The following NFE2L3 variants were observed in gnomAD, a reference collection of about 807,000 sequenced individuals.
NFE2L3 encodes the protein nuclear factor erythroid 2-related factor 3.
NFE2L3 carries 18 observed loss-of-function variants against 23.5 expected under a neutral mutation model. The ratio of observed to expected loss-of-function variants is 0.77; its 90% CI spans 0.53 to 1.13. The LOEUF is 1.13. Among genes scored for constraint, NFE2L3 ranks in the 50% most tolerant of loss-of-function variants. The pLI is 0.00. For missense variants in NFE2L3, 1,152 were observed against 877.2 expected (o/e 1.31, Z -3.96); for synonymous variants, 424 against 354.5 (o/e 1.20, Z -2.20).
At chr7:26,160,430 T>C (rs1784150282) in intron 1 of NFE2L3, among the ~76,000 whole-genome samples, 2 of 152,206 alleles carry the variant, frequency 1.3e-5, no homozygotes, top group South Asian at 4.1e-4. Flanking sequence ...CCTGTCTTTA[T>C]CTGTCAGAGT....
intron 1 of NFE2L3, among the ~76,000 whole-genome samples, chr7:26,166,279 C>G (rs1784250881): frequency 6.6e-6 from 1 of 152,100 alleles, no homozygotes; most frequent in Admixed American, 6.6e-5. Flanking sequence ...ATTGCTGGAG[C>G]CCAAGATGAG....
chr7:26,180,723 G>T (rs960896399), intron 2 of NFE2L3, among the ~76,000 whole-genome samples: 1 of 151,990 alleles, frequency 6.6e-6, no homozygotes, highest in African/African-American at 2.4e-5. Context: ...TCACTGCTAG[G>T]CACAGACTAG....
chr7:26,166,589 T>A lies in NFE2L3; in HGVS notation c.571-11354T>A, dbSNP rs531366502. Among the ~76,000 whole-genome samples, 3 of 152,312 alleles carry A rather than the reference T, an allele frequency of 2.0e-5. No homozygotes were observed. The South Asian group carries it at 6.2e-4, about 32-fold the overall frequency. The stretch of plus-strand genomic sequence containing the variant: ...TCAGTTTCCTCCTCTGTAATAACAA[T>A]ACCTACCTTACAGGGATGCCGAGCA... On this transcript the variant is annotated intron_variant, in intron 1 of 3. Coordinates refer to ENST00000056233, the MANE Select transcript of NFE2L3 (RefSeq NM_004289.7).
intron 1 of NFE2L3, among the ~76,000 whole-genome samples, chr7:26,160,258 G>T (rs1784147049): frequency 6.6e-6 from 1 of 152,128 alleles, no homozygotes; most frequent in South Asian, 2.1e-4. Context: ...CACCCGGCTG[G>T]ATCTATGTTA....
intron 1 of NFE2L3, chr7:26,173,515 T>C (rs1784356137): frequency 6.6e-6 from 1 of 152,364 alleles, no homozygotes; most frequent in Non-Finnish European, 1.5e-5. Flanking sequence ...AGCAAGTTTT[T>C]AAACAAAGTT....
At chr7:26,180,103 C>G (rs1226989642) in intron 2 of NFE2L3, among the ~76,000 whole-genome samples, 1 of 152,184 alleles carries the variant, frequency 6.6e-6, no homozygotes, top group Non-Finnish European at 1.5e-5. Flanking sequence ...TTTCCAGTTC[C>G]CTAACTATGG....
At chr7:26,176,293 G>A (rs1460479685) in intron 1 of NFE2L3, among the ~76,000 whole-genome samples, 4 of 152,036 alleles carry the variant, frequency 2.6e-5, no homozygotes, top group South Asian at 2.1e-4. Flanking sequence ...CTGATCTCTC[G>A]TTCTTTTCCC....
intron 2 of NFE2L3, among the ~76,000 whole-genome samples, chr7:26,181,673 C>T (rs1239263810): frequency 6.6e-6 from 1 of 152,084 alleles, no homozygotes; most frequent in Non-Finnish European, 1.5e-5. Flanking sequence ...AGCCATGAGT[C>T]AGCATATGCA....
chr7:26,184,035 AGG>A, intron 3 of NFE2L3: 1 of 498,748 alleles, frequency 2.0e-6, no homozygotes, highest in Middle Eastern at 4.0e-4. Context: ...AAGAATTATC[AGG>A]TATTTATCCA....
At position 26,186,975 on chromosome 7, in the gene NFE2L3, A is replaced by C. The variant is rs1403725104; in HGVS notation, c.*1192A>C. On this transcript the variant is annotated 3_prime_UTR_variant, in exon 4 of 4. Coordinates refer to ENST00000056233, the MANE Select transcript of NFE2L3 (RefSeq NM_004289.7). ...GATTTTGACGGGTACTATAATGCTT[A>C]ATATGTCCAAATTTTCAAAATGAAG... 6.6e-6 allele frequency: 1 copy of C among 152,230 alleles called. No homozygotes were observed. The highest frequency in any genetic ancestry group is 1.5e-5 in the Non-Finnish European group (1 of 68,044). The allele number at this position is 152,230 out of a possible 1,614,324, so 9.4% of individuals were successfully genotyped here. A position where few individuals can be genotyped will look rare whatever the true frequency, so the allele number is the denominator to read the frequency against.
intron 3 of NFE2L3, 181 bp downstream of exon 3, chr7:26,183,965 AGG>A (rs1782402488): frequency 1.8e-6 from 1 of 542,548 alleles, no homozygotes; most frequent in Non-Finnish European, 3.3e-6. Context: ...ATAATCCCAA[AGG>A]TATAATCAAA....
intron 2 of NFE2L3, among the ~76,000 whole-genome samples, chr7:26,182,709 GAGGCTAA>G (rs1782345406): frequency 6.6e-6 from 1 of 151,868 alleles, no homozygotes. Flanking sequence ...CAACTAGAAA[GAGGCTAA>G]AGCATAAAGG....
At chr7:26,163,067 T>C (rs1277084287) in intron 1 of NFE2L3, among the ~76,000 whole-genome samples, 1 of 152,094 alleles carries the variant, frequency 6.6e-6, no homozygotes, top group African/African-American at 2.4e-5. Flanking sequence ...AATGCCCCCC[T>C]CCCCATCATG....
Position 26,152,405 on chromosome 7 carries a change from C to T in NFE2L3, c.-94C>T, listed in dbSNP as rs1252987766. On this transcript the variant is annotated 5_prime_UTR_variant, in exon 1 of 4. Coordinates refer to ENST00000056233, the MANE Select transcript of NFE2L3 (RefSeq NM_004289.7). This position sits in a 1 kb window ranked among gnomAD's most constrained non-coding sequence, Gnocchi z 4.4. ...CGCTTATCTGGGTTCCAGGCAGGTG[C>T]GGGCGGCGCGCGGGGTCCGCACGTG... 7 of 899,172 alleles carry T rather than the reference C, an allele frequency of 7.8e-6. No homozygotes were observed. The highest frequency in any genetic ancestry group is 1.0e-5 in the Non-Finnish European group (7 of 702,338). The allele number at this position is 899,172 out of a possible 1,614,324, so 55.7% of individuals were successfully genotyped here. A position where few individuals can be genotyped will look rare whatever the true frequency, so the allele number is the denominator to read the frequency against.
Position 26,157,322 on chromosome 7 carries a change from C to T in NFE2L3, c.570+4254C>T, listed in dbSNP as rs377359686. ...CCTCCCAAGTAGCTGGGACTACAGA[C>T]GCGCACCACTGCTTCTGGCTGATTT... On this transcript the variant is annotated intron_variant, in intron 1 of 3. Transcript: ENST00000056233. Among the ~76,000 whole-genome samples, 6 of 151,714 alleles carry T rather than the reference C, an allele frequency of 4.0e-5. 1 individual carries two copies. The highest frequency in any genetic ancestry group is 1.9e-4 in the East Asian group (1 of 5,158).
intron 2 of NFE2L3, among the ~76,000 whole-genome samples, chr7:26,181,116 T>C (rs142438891): frequency 6.6e-6 from 1 of 152,154 alleles, no homozygotes; most frequent in Non-Finnish European, 1.5e-5. Flanking sequence ...ACTGGGGCTA[T>C]AGGTGCACAC....
At chr7:26,184,413 C>CATCT (rs1451606117) in intron 3 of NFE2L3, 120 bp from the exon 4 acceptor site, 1 of 864,578 alleles carries the variant, frequency 1.2e-6, no homozygotes, top group African/African-American at 1.7e-5. Flanking sequence ...CTGCCAACAG[C>CATCT]ATCTATCTCT....
intron 1 of NFE2L3, among the ~76,000 whole-genome samples, chr7:26,158,566 C>T (rs905091713): frequency 2.0e-5 from 3 of 152,224 alleles, no homozygotes. Flanking sequence ...TGGGGTTTTG[C>T]TGGCTTGATG....
intron 1 of NFE2L3, chr7:26,173,855 T>G (rs1297806569): frequency 6.6e-6 from 1 of 152,208 alleles, no homozygotes; most frequent in East Asian, 1.9e-4. Context: ...ACTAGCATTC[T>G]AGTAGGACAA....
Sources: allele counts gnomAD v4.1 joint callset (sites outside exome capture counted in the v4.1 genomes callset), GRCh38; gene constraint gnomAD v4.1.1; non-coding constraint Gnocchi (gnomAD v3.1); transcripts MANE v1.5; gene names NCBI Gene and HGNC (gene_info 2026-07-23, HGNC 2026-07-21).